The following MSI2 variants were observed in gnomAD, a reference collection of about 807,000 sequenced individuals.
The protein encoded by MSI2 is musashi RNA binding protein 2, also known as RNA-binding protein Musashi homolog 2.
A neutral mutation model predicts 45.6 loss-of-function variants in MSI2; 17 were observed. The ratio of observed to expected loss-of-function variants is 0.37; its 90% CI spans 0.26 to 0.56. The LOEUF is 0.56. Ranked by LOEUF, MSI2 falls within the 20% of genes least tolerant of loss-of-function variation. The probability of loss-of-function intolerance (pLI) is 0.77; values close to 1 mark genes in which losing one functional copy is unlikely to be tolerated. For synonymous variants in MSI2, 156 were observed against 158.2 expected (o/e 0.99, Z 0.11); for missense variants, 293 against 444.2 (o/e 0.66, Z 3.06).
intron 5 of MSI2, among the ~76,000 whole-genome samples, chr17:57,376,175 A>C (rs1324472446): frequency 6.6e-6 from 1 of 152,214 alleles, no homozygotes; most frequent in Non-Finnish European, 1.5e-5. Context: ...CAGGTCGTCA[A>C]GACTGATACC....
intron 5 of MSI2, among the ~76,000 whole-genome samples, chr17:57,335,317 T>G (rs1914619617): frequency 6.6e-6 from 1 of 152,246 alleles, no homozygotes; most frequent in African/African-American, 2.4e-5. Context: ...TCCTCAAGAC[T>G]GTGACAGAAG....
At chr17:57,372,475 G>A (rs895492495) in intron 5 of MSI2, among the ~76,000 whole-genome samples, 4 of 152,074 alleles carry the variant, frequency 2.6e-5, no homozygotes, top group African/African-American at 4.8e-5. Context: ...ATGTCAAAAA[G>A]TAGGAAAAAT....
chr17:57,351,738 C>T (rs1349890899), intron 5 of MSI2, among the ~76,000 whole-genome samples: 4 of 152,206 alleles, frequency 2.6e-5, no homozygotes, highest in Non-Finnish European at 5.9e-5. Flanking sequence ...TGCCTGTAAT[C>T]CCAGCTAGTT....
chr17:57,500,803 A>G lies in MSI2; in HGVS notation c.406-28873A>G, dbSNP rs1457058321. The stretch of plus-strand genomic sequence containing the variant: ...CCCTGTCTCTACCAAAAAAAAAAAA[A>G]AAAAAAGGATTAGCAGGGGCATGGT... On this transcript the variant is annotated intron_variant, in intron 6 of 13. Coordinates refer to ENST00000284073, the MANE Select transcript of MSI2 (RefSeq NM_138962.4). Among the ~76,000 whole-genome samples the G allele has an allele frequency of 2.6e-5, 4 of 151,716 alleles. No homozygotes were observed. In the East Asian group the frequency reaches 7.7e-4, roughly 29 times the overall value.
chr17:57,523,639 C>A (rs1051751020), intron 6 of MSI2: 1 of 152,248 alleles, frequency 6.6e-6, no homozygotes. Context: ...TCTAGGATCT[C>A]TGTCTCCAAC....
chr17:57,677,679 C>T (rs375984073), intron 13 of MSI2, among the ~76,000 whole-genome samples: 1 of 152,254 alleles, frequency 6.6e-6, no homozygotes, highest in Non-Finnish European at 1.5e-5. Flanking sequence ...AAATTAACGA[C>T]ATCACCTGTG....
At chr17:57,401,578 C>A in intron 6 of MSI2, 107 bp downstream of exon 6, 1 of 806,714 alleles carries the variant, frequency 1.2e-6, no homozygotes, top group Non-Finnish European at 2.1e-6. Context: ...CCTCAAGAAC[C>A]TTGTCCTTGA....
chr17:57,615,228 G>A (rs891853313), intron 8 of MSI2, among the ~76,000 whole-genome samples: 1 of 151,280 alleles, frequency 6.6e-6, no homozygotes, highest in African/African-American at 2.4e-5. Flanking sequence ...CCCAGACTCA[G>A]GTGATCCCCC....
intron 7 of MSI2, among the ~76,000 whole-genome samples, chr17:57,581,355 G>A (rs958253672): frequency 6.6e-6 from 1 of 152,070 alleles, no homozygotes; most frequent in Admixed American, 6.5e-5. Context: ...GGGGACATAG[G>A]ATCAGGGAGG....
chr17:57,550,539 TCTTTTA>T (rs1175986800), intron 7 of MSI2, among the ~76,000 whole-genome samples: 2 of 152,236 alleles, frequency 1.3e-5, no homozygotes, highest in African/African-American at 4.8e-5. Context: ...ACACGATGTC[TCTTTTA>T]CTTTTGTTTT....
chr17:57,348,355 C>G (rs1007228698), intron 5 of MSI2, among the ~76,000 whole-genome samples: 6 of 152,128 alleles, frequency 3.9e-5, no homozygotes, highest in Non-Finnish European at 7.4e-5. Context: ...CTTCTGTACC[C>G]AGGGAGGATG....
chr17:57,453,157 C>T (rs1309519917), intron 6 of MSI2, among the ~76,000 whole-genome samples: 2 of 152,028 alleles, frequency 1.3e-5, no homozygotes, highest in Non-Finnish European at 2.9e-5. Context: ...TGCACCACCA[C>T]ACCTGGCTAA....
At chr17:57,544,712 CT>C (rs2087125550) in intron 7 of MSI2, among the ~76,000 whole-genome samples, 2 of 152,172 alleles carry the variant, frequency 1.3e-5, no homozygotes, top group African/African-American at 4.8e-5. Context: ...TAAAAACATC[CT>C]ATTTTAAAAT....
At chr17:57,331,133 C>T (rs1357543993) in intron 5 of MSI2, among the ~76,000 whole-genome samples, 4 of 151,856 alleles carry the variant, frequency 2.6e-5, no homozygotes, top group African/African-American at 4.8e-5. Context: ...AGGCTGGTCT[C>T]GAACTCCTGA....
chr17:57,635,418 T>C (rs1172387693), intron 10 of MSI2, among the ~76,000 whole-genome samples: 1 of 152,260 alleles, frequency 6.6e-6, no homozygotes, highest in African/African-American at 2.4e-5. Flanking sequence ...CACCTCATCC[T>C]CTCTTGGCTC....
intron 5 of MSI2, among the ~76,000 whole-genome samples, chr17:57,320,661 C>T (rs1034316464): frequency 4.2e-4 from 64 of 152,258 alleles, no homozygotes; most frequent in Non-Finnish European, 6.9e-4. Flanking sequence ...TTCCAGAATT[C>T]GGAGTCCTAA....
At chr17:57,476,056 G>T (rs1229696414) in intron 6 of MSI2, among the ~76,000 whole-genome samples, 1 of 152,182 alleles carries the variant, frequency 6.6e-6, no homozygotes, top group Non-Finnish European at 1.5e-5. Flanking sequence ...CTGCAGAATG[G>T]TGTGTAATCT....
chr17:57,578,199 C>T (rs903539769), intron 7 of MSI2, among the ~76,000 whole-genome samples: 5 of 151,798 alleles, frequency 3.3e-5, no homozygotes, highest in Non-Finnish European at 7.4e-5. Flanking sequence ...AGTTGATTCT[C>T]TGCTGGTGAC....
chr17:57,384,185 G>C (rs2083646567), intron 5 of MSI2, among the ~76,000 whole-genome samples: 1 of 152,200 alleles, frequency 6.6e-6, no homozygotes, highest in Admixed American at 6.5e-5. Context: ...TTATGCTCAT[G>C]GAGTCTCAGG....
Sources: gnomAD v4.1 joint callset for allele counts (sites outside exome capture counted in the v4.1 genomes callset) on GRCh38, gnomAD v4.1.1 for gene constraint, MANE v1.5 for transcripts, NCBI Gene and HGNC (gene_info 2026-07-23, HGNC 2026-07-21) for gene names.